Variants in WASF2 observed in about 807,000 individuals in gnomAD.
The protein encoded by WASF2 is actin-binding protein WASF2.
A neutral mutation model predicts 45.0 loss-of-function variants in WASF2; 14 were observed. That is an observed-to-expected ratio of 0.31 (90% confidence interval 0.21 to 0.49). WASF2 has a LOEUF of 0.49. WASF2 is among the 20% of genes least tolerant of loss of function. The pLI is 0.99. For missense variants in WASF2, 439 were observed against 636.1 expected, an observed-to-expected ratio of 0.69 and a Z score of 3.33; for synonymous variants, 200 against 236.3, an observed-to-expected ratio of 0.85 and a Z score of 1.41.
chr1:27,443,127 GCACTCCAGC>G (rs1286515111), intron 1 of WASF2, among the ~76,000 whole-genome samples: 99 of 151,402 alleles, frequency 6.5e-4, no homozygotes, highest in African/African-American at 2.2e-3. Flanking sequence ...TTGTGCCACT[GCACTCCAGC>G]CTGGGCAACA....
intron 1 of WASF2, among the ~76,000 whole-genome samples, chr1:27,444,721 A>G (rs2017289560): frequency 2.0e-5 from 3 of 152,206 alleles, no homozygotes; most frequent in Admixed American, 6.5e-5. Context: ...CATTATACCT[A>G]TTTTAAGGAT....
In WASF2 at chr1:27,406,315, G is replaced by A. The variant is rs2016674199; in HGVS notation, c.*1874C>T. The A allele has an allele frequency of 1.3e-5, 2 of 152,522 alleles. No individual in the cohort carries two copies. Among genetic ancestry groups the A allele is most frequent in the African/African-American group, 2.4e-5 (1 of 41,464 alleles). The allele number at this position is 152,522 out of a possible 1,614,324, so 9.4% of individuals were successfully genotyped here. A position where few individuals can be genotyped will look rare whatever the true frequency, so the allele number is the denominator to read the frequency against. On this transcript the variant is annotated 3_prime_UTR_variant, in exon 9 of 9. Coordinates refer to ENST00000618852, the MANE Select transcript of WASF2 (RefSeq NM_006990.5). ...CAGAGACACCTGATGTGTAAAGAGG[G>A]AAGAGGGCACACTTGGGAGTGGCCA...
At chr1:27,420,515 T>A (rs1383096961) in intron 2 of WASF2, among the ~76,000 whole-genome samples, 1 of 8,286 alleles carries the variant, frequency 1.2e-4, no homozygotes. Context: ...CCATCTGAGC[T>A]TTTTTTTTTT....
intron 1 of WASF2, among the ~76,000 whole-genome samples, chr1:27,434,818 G>T (rs2017109896): frequency 6.6e-6 from 1 of 152,160 alleles, no homozygotes; most frequent in Non-Finnish European, 1.5e-5. Context: ...TCCTAGCCAT[G>T]GCCTGGCAGT....
rs997699546 is a variant in WASF2 at position 27,428,958 on chromosome 1, A to G, written c.-43-25T>C. 4 of 1,557,122 alleles carry G rather than the reference A, an allele frequency of 2.6e-6. No homozygotes were observed. In the African/African-American group the frequency reaches 5.5e-5, roughly 21 times the overall value. ...CCTAAAAAAGAAATAACAGGAAAGT[A>G]TTACTCAACCACAAATTCCAGGCAC... On this transcript the variant is annotated intron_variant, in intron 1 of 8. Transcript: ENST00000618852.
In WASF2 at chr1:27,431,757, T is replaced by C. The variant is rs543111618; in HGVS notation, c.-43-2824A>G. 1.8e-4 allele frequency among the ~76,000 whole-genome samples: 27 copies of C among 152,350 alleles called. No individual in the cohort carries two copies. In the South Asian group the frequency reaches 5.2e-3, roughly 29 times the overall value. On this transcript the variant is annotated intron_variant, in intron 1 of 8. Transcript: ENST00000618852. ...TAACACCTTGGTACTTTAGCACTTA[T>C]GGTTTTCTAAGTGCCTTGGATAAGC...
intron 1 of WASF2, among the ~76,000 whole-genome samples, chr1:27,455,425 G>A (rs1445888009): frequency 6.6e-6 from 1 of 152,078 alleles, no homozygotes; most frequent in African/African-American, 2.4e-5. Flanking sequence ...GACATAGCAG[G>A]AAACCTGAAA....
chr1:27,452,070 G>T (rs955498416), intron 1 of WASF2, among the ~76,000 whole-genome samples: 14 of 152,166 alleles, frequency 9.2e-5, no homozygotes, highest in African/African-American at 3.1e-4. Context: ...GGAGACCACT[G>T]TATTTAATTT....
chr1:27,474,497 C>A (rs2017738386), intron 1 of WASF2, among the ~76,000 whole-genome samples: 1 of 151,994 alleles, frequency 6.6e-6, no homozygotes, highest in Non-Finnish European at 1.5e-5. Flanking sequence ...TTAGGCTGGG[C>A]ATGGTGGCTC....
intron 2 of WASF2, among the ~76,000 whole-genome samples, chr1:27,422,595 G>T (rs189883010): frequency 1.6e-4 from 23 of 146,778 alleles, no homozygotes; most frequent in African/African-American, 5.3e-4. Flanking sequence ...CTCCAGCCTG[G>T]GTGACAGAGC....
chr1:27,486,923 ATAGAT>A (rs1337815934), intron 1 of WASF2, among the ~76,000 whole-genome samples: 1 of 148,802 alleles, frequency 6.7e-6, no homozygotes, highest in Non-Finnish European at 1.5e-5. Context: ...TATATAATAT[ATAGAT>A]TATATTTTAC....
chr1:27,405,495 T>C lies in WASF2; in HGVS notation c.*2694A>G, dbSNP rs1279966558. 1.3e-5 allele frequency: 2 copies of C among 151,880 alleles called. No individual in the cohort carries two copies. Among genetic ancestry groups the C allele is most frequent in the Non-Finnish European group, 2.9e-5 (2 of 68,016 alleles). 9.4% of individuals were successfully genotyped at this position (151,880 alleles called of 1,614,324 possible). A position where few individuals can be genotyped will look rare whatever the true frequency, so the allele number is the denominator to read the frequency against. On this transcript the variant is annotated 3_prime_UTR_variant, in exon 9 of 9. Coordinates refer to ENST00000618852, the MANE Select transcript of WASF2 (RefSeq NM_006990.5). Reference sequence around the variant, plus strand: ...ATACTCTCACTAGCTTAGGCCCAGATTAAATAATCACTAAACTTTGCATTC... The same window carrying C: ...ATACTCTCACTAGCTTAGGCCCAGACTAAATAATCACTAAACTTTGCATTC...
intron 1 of WASF2, among the ~76,000 whole-genome samples, chr1:27,487,736 T>C (rs1325935379): frequency 8.0e-6 from 1 of 125,220 alleles, no homozygotes; most frequent in African/African-American, 3.0e-5. Flanking sequence ...TATTATATAA[T>C]GTATATCATA....
In WASF2 at chr1:27,412,591, G is replaced by A. The variant is rs927520199; in HGVS notation, c.805C>T (p.Pro269Ser). ...ATTTACCTGAATTCTGCTGGTGGAG[G>A]AGGCAAGTTGTCCTCGGAGAAGGAA... ...SPSFSEDNLP[P>S]PPAEFSYPVD... The change falls in exon 7 of 9, where the codon CCT (proline) becomes TCT (serine). Residue 269 changes from proline to serine, a missense_variant. Transcript: ENST00000618852. The A allele has an allele frequency of 2.5e-6, 4 of 1,614,210 alleles. No individual in the cohort carries two copies. In the South Asian group the frequency reaches 4.4e-5, roughly 18 times the overall value.
intron 1 of WASF2, among the ~76,000 whole-genome samples, chr1:27,481,628 T>C (rs142208606): frequency 1.1e-4 from 16 of 150,758 alleles, no homozygotes; most frequent in African/African-American, 3.7e-4. Flanking sequence ...GGCTTGAGCC[T>C]GGGGTGAGCA....
chr1:27,486,910 A>C (rs1237122158), intron 1 of WASF2, among the ~76,000 whole-genome samples: 4 of 149,124 alleles, frequency 2.7e-5, no homozygotes, highest in Non-Finnish European at 5.9e-5. Flanking sequence ...GGTGACTGAT[A>C]TATATATAAT....
chr1:27,431,090 C>G (rs2017057077), intron 1 of WASF2, among the ~76,000 whole-genome samples: 1 of 152,204 alleles, frequency 6.6e-6, no homozygotes, highest in Non-Finnish European at 1.5e-5. Context: ...TCACCAACAG[C>G]AACAGCCCAA....
chr1:27,432,031 T>G (rs1435161161), intron 1 of WASF2, among the ~76,000 whole-genome samples: 2 of 152,368 alleles, frequency 1.3e-5, no homozygotes, highest in East Asian at 3.9e-4. Context: ...CATGCACCAT[T>G]GCTCATTTTT....
intron 1 of WASF2, among the ~76,000 whole-genome samples, chr1:27,477,915 T>A (rs1241979148): frequency 0.015 from 1,259 of 84,934 alleles, 227 homozygotes; most frequent in African/African-American, 0.1. Flanking sequence ...AAAAAATAAA[T>A]AAATAAAAAA....
Sources: gnomAD v4.1 joint callset for allele counts (sites outside exome capture counted in the v4.1 genomes callset) on GRCh38, gnomAD v4.1.1 for gene constraint, MANE v1.5 for transcripts, NCBI Gene and HGNC (gene_info 2026-07-23, HGNC 2026-07-21) for gene names.